SORCS3: variants seen among roughly 807,000 people sequenced by gnomAD.
SORCS3 encodes the protein sortilin related VPS10 domain containing receptor 3.
A neutral mutation model predicts 146.3 loss-of-function variants in SORCS3; 57 were observed. The ratio of observed to expected loss-of-function variants is 0.39; its 90% CI spans 0.31 to 0.49. SORCS3 has a LOEUF of 0.49. Among genes scored for constraint, SORCS3 ranks in the 20% least tolerant of loss-of-function variants. The pLI, the probability that SORCS3 is intolerant of heterozygous loss-of-function variation, is 0.92. For synonymous variants in SORCS3, 653 were observed against 618.5 expected, an observed-to-expected ratio of 1.06 and a Z score of -0.83; for missense variants, 1,341 against 1,575.5, an observed-to-expected ratio of 0.85 and a Z score of 2.52.
chr10:104,983,338 C>T (rs1564728288), intron 4 of SORCS3, among the ~76,000 whole-genome samples: 1 of 152,134 alleles, frequency 6.6e-6, no homozygotes, highest in South Asian at 2.1e-4. Context: ...ATGTCCTAGA[C>T]TTTCTGGTCT....
intron 4 of SORCS3, among the ~76,000 whole-genome samples, chr10:105,019,475 C>A (rs895073908): frequency 6.6e-6 from 1 of 152,108 alleles, no homozygotes; most frequent in Non-Finnish European, 1.5e-5. Flanking sequence ...CATTTGCTAG[C>A]CTTCCTCTTT....
chr10:105,064,834 C>G (rs892739226), intron 5 of SORCS3, among the ~76,000 whole-genome samples: 1 of 151,600 alleles, frequency 6.6e-6, no homozygotes. Context: ...CAGATCTTCC[C>G]CACCCAGTCC....
At chr10:105,175,494 AC>A (rs771343464) in intron 13 of SORCS3, among the ~76,000 whole-genome samples, 2 of 152,240 alleles carry the variant, frequency 1.3e-5, no homozygotes, top group African/African-American at 2.4e-5. Context: ...CCCAACTAAT[AC>A]TTTCTTACCT....
At chr10:105,258,492 C>T (rs556201115) in intron 25 of SORCS3, among the ~76,000 whole-genome samples, 1 of 152,200 alleles carries the variant, frequency 6.6e-6, no homozygotes, top group Non-Finnish European at 1.5e-5. Flanking sequence ...AATGTCTCAT[C>T]TCTGACTCCC....
intron 11 of SORCS3, among the ~76,000 whole-genome samples, chr10:105,162,434 C>A (rs2056273100): frequency 6.6e-6 from 1 of 150,592 alleles, no homozygotes; most frequent in Admixed American, 6.6e-5. Flanking sequence ...CAGCAAGGCT[C>A]ATTTTTCAAA....
intron 1 of SORCS3, among the ~76,000 whole-genome samples, chr10:104,679,270 T>A (rs2015944988): frequency 6.6e-6 from 1 of 152,200 alleles, no homozygotes; most frequent in African/African-American, 2.4e-5. Flanking sequence ...GGTCTCTTTC[T>A]TGTGGGGAGG....
intron 5 of SORCS3, among the ~76,000 whole-genome samples, chr10:105,088,866 G>A (rs74157418): frequency 0.028 from 4,305 of 152,286 alleles, 122 homozygotes; most frequent in East Asian, 0.16. Flanking sequence ...CTGCTTCTCT[G>A]CTGAAGACTG....
At chr10:105,067,909 A>C (rs1023447866) in intron 5 of SORCS3, among the ~76,000 whole-genome samples, 1 of 151,972 alleles carries the variant, frequency 6.6e-6, no homozygotes, top group East Asian at 1.9e-4. Context: ...GATCTTATAC[A>C]TGTCAGTGTT....
intron 2 of SORCS3, among the ~76,000 whole-genome samples, chr10:104,852,254 C>T (rs976120112): frequency 6.6e-6 from 1 of 152,158 alleles, no homozygotes; most frequent in Admixed American, 6.5e-5. Context: ...GGTTTGTGGT[C>T]AGTGATTTCA....
chr10:105,076,024 G>GT (rs1466546024), intron 5 of SORCS3, among the ~76,000 whole-genome samples: 1 of 152,166 alleles, frequency 6.6e-6, no homozygotes, highest in Admixed American at 6.5e-5. Flanking sequence ...GTGTGCACAT[G>GT]TGTGCCTGTG....
At chr10:104,913,159 C>A (rs1036522545) in intron 2 of SORCS3, among the ~76,000 whole-genome samples, 1 of 151,986 alleles carries the variant, frequency 6.6e-6, no homozygotes, top group Admixed American at 6.6e-5. Flanking sequence ...GTGCATTGGG[C>A]AATTACTACC....
chr10:104,968,205 T>C (rs2054837525), intron 3 of SORCS3, among the ~76,000 whole-genome samples: 1 of 152,070 alleles, frequency 6.6e-6, no homozygotes, highest in Non-Finnish European at 1.5e-5. Context: ...AACCTCTGCC[T>C]CCCAGGTTCA....
Position 105,211,204 on chromosome 10 carries a change from C to G in SORCS3, c.2329C>G (p.Pro777Ala). The change falls in exon 17 of 27, where the codon CCA becomes GCA. Residue 777 changes from proline to alanine, a missense_variant. Pro to Ala is a conservative substitution (Grantham distance 27). Coordinates refer to ENST00000369701, the MANE Select transcript of SORCS3 (RefSeq NM_014978.3). ...VPAFWYNPAS[P>A]SKDCSLGQSY... is the part of the protein sequence containing the mutation. ...AGCTTTCTGGTACAATCCAGCATCC[C>G]CATCAAAGGACTGCAGCCTTGGTCA... is the stretch of plus-strand genomic sequence containing the variant. The G allele has an allele frequency of 6.2e-7, 1 of 1,614,024 alleles. No homozygotes were observed. Among genetic ancestry groups the G allele is most frequent in the Non-Finnish European group, 8.5e-7 (1 of 1,179,952 alleles).
intron 7 of SORCS3, among the ~76,000 whole-genome samples, chr10:105,121,877 C>G (rs1189646026): frequency 6.6e-6 from 1 of 152,174 alleles, no homozygotes; most frequent in Non-Finnish European, 1.5e-5. Flanking sequence ...CTGCTCTTCT[C>G]CAGCCCTTTC....
intron 19 of SORCS3, among the ~76,000 whole-genome samples, chr10:105,222,021 G>A (rs1176825640): frequency 7.1e-6 from 1 of 141,556 alleles, no homozygotes; most frequent in East Asian, 2.1e-4. Context: ...TTACCTCTCA[G>A]ATGCAACACC....
At chr10:105,140,508 G>A (rs181398489) in intron 8 of SORCS3, among the ~76,000 whole-genome samples, 1 of 152,322 alleles carries the variant, frequency 6.6e-6, no homozygotes, top group East Asian at 1.9e-4. Context: ...AGGTATGAGA[G>A]TGTTACAGAA....
chr10:104,931,513 G>A (rs942094041), intron 3 of SORCS3, among the ~76,000 whole-genome samples: 2 of 152,192 alleles, frequency 1.3e-5, no homozygotes, highest in African/African-American at 4.8e-5. Flanking sequence ...TGTACTCAGA[G>A]CAACCAAAGG....
intron 1 of SORCS3, among the ~76,000 whole-genome samples, chr10:104,735,401 C>T (rs2016756052): frequency 6.9e-6 from 1 of 143,896 alleles, no homozygotes; most frequent in Non-Finnish European, 1.5e-5. Flanking sequence ...CATTATTTTT[C>T]ATGTTTATTT....
chr10:105,222,121 C>T lies in SORCS3; in HGVS notation c.2735-995C>T, dbSNP rs1046756031. On this transcript the variant is annotated intron_variant, in intron 19 of 26. Transcript: ENST00000369701. The stretch of plus-strand genomic sequence containing the variant: ...TCGCCCAGGCTGGAGTGCAATGGTG[C>T]GATTTTGGCTCACTGCATCCTCTGA... Among the ~76,000 whole-genome samples, 14 of 126,350 alleles carry T rather than the reference C, an allele frequency of 1.1e-4. No homozygotes were observed. The East Asian group carries it at 1.6e-3, about 14-fold the overall frequency. 82.9% of individuals were successfully genotyped at this position (126,350 alleles called of 152,430 possible).
Sources: gnomAD v4.1 joint callset for allele counts (sites outside exome capture counted in the v4.1 genomes callset) on GRCh38, gnomAD v4.1.1 for gene constraint, MANE v1.5 for transcripts, NCBI Gene and HGNC (gene_info 2026-07-23, HGNC 2026-07-21) for gene names.